The following CAPZB variants were observed in gnomAD, a reference collection of about 807,000 sequenced individuals.
CAPZB encodes the protein capping actin protein of muscle Z-line subunit beta, also known as F-actin-capping protein subunit beta.
Under a neutral mutation model 38.1 loss-of-function variants are expected in CAPZB, and 2 were observed. The ratio of observed to expected loss-of-function variants is 0.05; its 90% CI spans 0.02 to 0.17. The LOEUF is 0.17. Among genes scored for constraint, CAPZB ranks in the 10% least tolerant of loss-of-function variants. The pLI is 1.00. For missense variants in CAPZB, 161 were observed against 334.2 expected (o/e 0.48, Z 4.04); for synonymous variants, 107 against 127.4 (o/e 0.84, Z 1.08).
At chr1:19,400,137 G>C (rs2094295123) in intron 2 of CAPZB, among the ~76,000 whole-genome samples, 1 of 151,854 alleles carries the variant, frequency 6.6e-6, no homozygotes, top group Non-Finnish European at 1.5e-5. Flanking sequence ...GAGAGATTCC[G>C]AGCCCACCCC....
At chr1:19,378,398 T>A in intron 4 of CAPZB, 142 bp downstream of exon 4, 1 of 634,340 alleles carries the variant, frequency 1.6e-6, no homozygotes, top group Admixed American at 2.4e-5. Context: ...AGGTAACAGA[T>A]TCAAGGGAGA....
In CAPZB at chr1:19,357,493, T is replaced by C; in HGVS notation, c.400A>G (p.Ile134Val). The C allele has an allele frequency of 3.1e-6, 5 of 1,614,000 alleles. No individual in the cohort carries two copies. Among genetic ancestry groups the C allele is most frequent in the Non-Finnish European group, 4.2e-6 (5 of 1,179,998 alleles). Residue 134 changes from isoleucine (I) to valine (V), a missense_variant, in exon 5 of 9, where the codon ATA (isoleucine) becomes GTA (valine). Coordinates refer to ENST00000264202, the MANE Select transcript of CAPZB (RefSeq NM_004930.5). The surrounding 1 kb of genome is among the most constrained non-coding windows in gnomAD (Gnocchi z 4.3). ...LDHGFAGVIL[I>V]KKAGDGSKKI... is the part of the protein sequence containing the mutation. The stretch of plus-strand genomic sequence containing the variant: ...TTTGATCCATCTCCAGCCTTCTTTA[T>C]GAGGATCACTCCAGCAAAGCCATGA...
intron 1 of CAPZB, among the ~76,000 whole-genome samples, chr1:19,458,557 T>C (rs905947919): frequency 2.6e-5 from 4 of 152,226 alleles, no homozygotes; most frequent in African/African-American, 9.6e-5. Context: ...GGTTTCGCCA[T>C]GTTGGGCAGG....
At chr1:19,465,480 CCAAA>C (rs1349369552) in intron 1 of CAPZB, among the ~76,000 whole-genome samples, 2 of 152,158 alleles carry the variant, frequency 1.3e-5, no homozygotes, top group African/African-American at 4.8e-5. Context: ...TTCCAGGAGC[CCAAA>C]CAGACTAAGA....
intron 2 of CAPZB, among the ~76,000 whole-genome samples, chr1:19,390,751 G>C (rs951452300): frequency 1.3e-5 from 2 of 152,222 alleles, no homozygotes; most frequent in Non-Finnish European, 2.9e-5. Context: ...TAGAAGGTAA[G>C]GGAGAGACTA....
chr1:19,484,476 G>A, intron 1 of CAPZB: 2 of 1,443,048 alleles, frequency 1.4e-6, no homozygotes, highest in South Asian at 1.3e-5. Flanking sequence ...CGGCAGCCTC[G>A]AGAAGGGCCC....
intron 1 of CAPZB, among the ~76,000 whole-genome samples, chr1:19,459,884 C>T (rs2094545131): frequency 6.6e-6 from 1 of 152,178 alleles, no homozygotes; most frequent in South Asian, 2.1e-4. Context: ...CCGCCCACCC[C>T]ATAGTCACGT....
At chr1:19,398,174 G>A (rs1570129644) in intron 2 of CAPZB, among the ~76,000 whole-genome samples, 2 of 143,074 alleles carry the variant, frequency 1.4e-5, no homozygotes, top group African/African-American at 5.0e-5. Context: ...GCTCCATGAT[G>A]AGGAACTCCG....
rs117525518 is a variant in CAPZB, at chr1:19,398,529, A to T, written c.94-12903T>A. ...CCATGTTTACGTGTCTGAGTGGGGG[A>T]GCGGGTGCTAAGGCAGACTCAACAA... is the stretch of plus-strand genomic sequence containing the variant. On this transcript the variant is annotated intron_variant, in intron 2 of 8. Transcript: ENST00000264202. Among the ~76,000 whole-genome samples, 1,431 of 152,094 alleles carry T rather than the reference A, an allele frequency of 9.4e-3. 61 individuals carry two copies. The East Asian group carries it at 0.13, about 13-fold the overall frequency.
intron 1 of CAPZB, among the ~76,000 whole-genome samples, chr1:19,421,168 C>T (rs1389631535): frequency 3.3e-5 from 5 of 152,186 alleles, no homozygotes; most frequent in South Asian, 2.1e-4. Context: ...AAGCTACAGT[C>T]TCATAAAATA....
intron 2 of CAPZB, among the ~76,000 whole-genome samples, chr1:19,401,831 G>GC (rs1254964479): frequency 2.0e-5 from 3 of 152,098 alleles, no homozygotes; most frequent in African/African-American, 7.2e-5. Flanking sequence ...AGTGATGTTG[G>GC]CCCCCTGCTC....
chr1:19,426,443 C>CG (rs72362646), intron 1 of CAPZB, among the ~76,000 whole-genome samples: 8,892 of 147,972 alleles, frequency 0.06, 440 homozygotes, highest in African/African-American at 0.14. Context: ...TGTGGTGGGG[C>CG]GGGGGGGGGC....
intron 1 of CAPZB, among the ~76,000 whole-genome samples, chr1:19,442,915 A>T (rs987012954): frequency 2.6e-5 from 4 of 151,988 alleles, no homozygotes; most frequent in African/African-American, 9.7e-5. Context: ...AACAACCTCT[A>T]CGCCAGTGGT....
At chr1:19,354,611 C>G (rs540473504) in intron 6 of CAPZB, among the ~76,000 whole-genome samples, 2 of 152,326 alleles carry the variant, frequency 1.3e-5, no homozygotes, top group East Asian at 3.9e-4. Context: ...TGAGGACAGG[C>G]ACTCATCAGG....
At chr1:19,425,289 A>G (rs1023727296) in intron 1 of CAPZB, among the ~76,000 whole-genome samples, 6 of 152,202 alleles carry the variant, frequency 3.9e-5, no homozygotes, top group African/African-American at 1.4e-4. Context: ...AAGAAGGACC[A>G]TTTCTCCTTA....
intron 1 of CAPZB, among the ~76,000 whole-genome samples, chr1:19,445,768 G>A (rs1218168788): frequency 6.6e-6 from 1 of 152,174 alleles, no homozygotes; most frequent in Non-Finnish European, 1.5e-5. Context: ...TTCCAAAATT[G>A]GATTGTGGTT....
intron 1 of CAPZB, among the ~76,000 whole-genome samples, chr1:19,422,852 GAT>G (rs71800003): frequency 0.2 from 30,473 of 152,112 alleles, 3,402 homozygotes; most frequent in Admixed American, 0.24. Context: ...AGCAAATTAA[GAT>G]ATAAGTAAGC....
At chr1:19,419,911 C>A in intron 1 of CAPZB, 161 bp from the exon 2 acceptor site, 7 of 583,796 alleles carry the variant, frequency 1.2e-5, no homozygotes, top group Non-Finnish European at 2.1e-5. Flanking sequence ...GAGCGGGGGG[C>A]GACTGTGCAG....
At chr1:19,407,181 A>G (rs2094336431) in intron 2 of CAPZB, among the ~76,000 whole-genome samples, 1 of 152,192 alleles carries the variant, frequency 6.6e-6, no homozygotes, top group South Asian at 2.1e-4. Flanking sequence ...GGGGCACTAA[A>G]TGGCCAATCT....
Sources: allele counts gnomAD v4.1 joint callset (sites outside exome capture counted in the v4.1 genomes callset), GRCh38; gene constraint gnomAD v4.1.1; non-coding constraint Gnocchi (gnomAD v3.1); transcripts MANE v1.5; gene names NCBI Gene and HGNC (gene_info 2026-07-23, HGNC 2026-07-21).